Variants in KAZN observed in about 807,000 individuals in gnomAD.
KAZN encodes kazrin.
Under a neutral mutation model 87.4 loss-of-function variants are expected in KAZN, and 40 were observed. That is an observed-to-expected ratio of 0.46 (90% CI 0.36 to 0.60). The LOEUF is 0.60. Among genes scored for constraint, KAZN ranks in the 20% least tolerant of loss-of-function variants. The pLI is 0.00. For synonymous variants in KAZN, 466 were observed against 458.3 expected, an observed-to-expected ratio of 1.02 and a Z score of -0.22; for missense variants, 898 against 1,073.9, an observed-to-expected ratio of 0.84 and a Z score of 2.29.
chr1:14,981,200 TG>T (rs141079715), intron 2 of KAZN, among the ~76,000 whole-genome samples: 2 of 152,334 alleles, frequency 1.3e-5, no homozygotes, highest in African/African-American at 4.8e-5. Flanking sequence ...AGCTGGGAGC[TG>T]GGGCCTAGCT....
chr1:14,377,280 T>TAA (rs1462090295), intron 2 of KAZN, among the ~76,000 whole-genome samples: 1 of 152,190 alleles, frequency 6.6e-6, no homozygotes, highest in Non-Finnish European at 1.5e-5. Flanking sequence ...GACCATTCCT[T>TAA]AAGCTTCTGT....
intron 1 of KAZN, among the ~76,000 whole-genome samples, chr1:14,939,018 G>T (rs6693506): frequency 0.05 from 7,627 of 152,196 alleles, 594 homozygotes; most frequent in African/African-American, 0.17. Flanking sequence ...AGTTGCCCAG[G>T]CTGGAGAGCA....
At chr1:14,053,040 T>A (rs1457634918) in intron 1 of KAZN, among the ~76,000 whole-genome samples, 3 of 152,138 alleles carry the variant, frequency 2.0e-5, no homozygotes, top group Admixed American at 6.5e-5. Context: ...TTCTAACCAG[T>A]AGAACACAGC....
At chr1:14,400,323 T>C (rs977848613) in intron 2 of KAZN, among the ~76,000 whole-genome samples, 4 of 152,138 alleles carry the variant, frequency 2.6e-5, no homozygotes, top group Non-Finnish European at 4.4e-5. Flanking sequence ...TTATGGCACT[T>C]CTCGAATTTT....
chr1:14,746,194 A>T (rs547427848), intron 1 of KAZN, among the ~76,000 whole-genome samples: 9 of 152,186 alleles, frequency 5.9e-5, no homozygotes, highest in Middle Eastern at 3.4e-3. Context: ...CATTAGTGAC[A>T]CTCCAGCTTT....
At chr1:14,619,661 A>C (rs922817513) in intron 1 of KAZN, among the ~76,000 whole-genome samples, 3 of 152,338 alleles carry the variant, frequency 2.0e-5, no homozygotes, top group Middle Eastern at 3.4e-3. Flanking sequence ...CCCCACACGG[A>C]AACCCTGTAC....
At chr1:14,064,497 G>A (rs1253363739) in intron 1 of KAZN, among the ~76,000 whole-genome samples, 1 of 152,210 alleles carries the variant, frequency 6.6e-6, no homozygotes, top group Non-Finnish European at 1.5e-5. Context: ...TGCTGTAGAG[G>A]GGCTCACTAA....
intron 1 of KAZN, among the ~76,000 whole-genome samples, chr1:13,983,442 G>A (rs1166629913): frequency 2.6e-5 from 4 of 152,230 alleles, no homozygotes; most frequent in Non-Finnish European, 4.4e-5. Flanking sequence ...CAACAGGGCC[G>A]GCCGGCTGCT....
At chr1:14,086,337 A>T (rs1285445468) in intron 1 of KAZN, among the ~76,000 whole-genome samples, 1 of 151,898 alleles carries the variant, frequency 6.6e-6, no homozygotes, top group African/African-American at 2.4e-5. Context: ...ATTTTTCCTG[A>T]TGCTCCTCCC....
At chr1:14,314,365 T>C (rs978777761) in intron 2 of KAZN, among the ~76,000 whole-genome samples, 28 of 152,296 alleles carry the variant, frequency 1.8e-4, no homozygotes, top group African/African-American at 6.7e-4. Context: ...TCCTTCCACA[T>C]TACCCAGACT....
At chr1:14,548,790 T>TG (rs397824556) in intron 2 of KAZN, among the ~76,000 whole-genome samples, 1 of 151,784 alleles carries the variant, frequency 6.6e-6, no homozygotes, top group Non-Finnish European at 1.5e-5. Flanking sequence ...CTGTGAACAT[T>TG]CTTTCGTTGT....
intron 2 of KAZN, among the ~76,000 whole-genome samples, chr1:14,245,794 A>G: frequency 6.6e-6 from 1 of 152,120 alleles, no homozygotes; most frequent in Non-Finnish European, 1.5e-5. Context: ...AAAATATGGT[A>G]TTTCTTCCAT....
At chr1:13,973,062 T>C (rs1263301717) in intron 1 of KAZN, among the ~76,000 whole-genome samples, 1 of 152,144 alleles carries the variant, frequency 6.6e-6, no homozygotes, top group African/African-American at 2.4e-5. Flanking sequence ...TTCCTCCTTG[T>C]CTTCCTTCTC....
intron 1 of KAZN, among the ~76,000 whole-genome samples, chr1:14,939,055 C>T (rs941767257): frequency 1.3e-5 from 2 of 152,166 alleles, no homozygotes; most frequent in Non-Finnish European, 2.9e-5. Flanking sequence ...TCACTGCAAC[C>T]ACCACCTCCT....
chr1:14,732,903 C>G (rs1018411), intron 1 of KAZN, among the ~76,000 whole-genome samples: 9,704 of 152,038 alleles, frequency 0.064, 402 homozygotes, highest in East Asian at 0.12. Flanking sequence ...GTGTTCGTTT[C>G]AAACTCCTTT....
Position 14,065,208 on chromosome 1 carries a change from G to A in KAZN, c.92-115227G>A, listed in dbSNP as rs75982996. ...GGGAATCTGTTCCGGCTTGCCTTCC[G>A]CATTGATAACATGATAAAGCTCATT... On this transcript the variant is annotated intron_variant, in intron 1 of 16. Transcript: ENST00000636203. 6.9e-4 allele frequency among the ~76,000 whole-genome samples: 105 copies of A among 152,246 alleles called. 2 individuals are homozygous for A. In the East Asian group the frequency reaches 0.01, roughly 15 times the overall value.
At chr1:14,367,618 G>A (rs1314910880) in intron 2 of KAZN, among the ~76,000 whole-genome samples, 4 of 152,108 alleles carry the variant, frequency 2.6e-5, no homozygotes, top group African/African-American at 4.8e-5. Context: ...TCTGGCCATC[G>A]GACTGCAGAG....
At chr1:14,411,659 A>C (rs1427235214) in intron 2 of KAZN, among the ~76,000 whole-genome samples, 1 of 152,224 alleles carries the variant, frequency 6.6e-6, no homozygotes, top group Admixed American at 6.5e-5. Context: ...TAAAAGTTAC[A>C]TGCACTTCAG....
intron 2 of KAZN, among the ~76,000 whole-genome samples, chr1:14,245,280 A>T (rs551090287): frequency 4.6e-5 from 7 of 152,204 alleles, no homozygotes; most frequent in Non-Finnish European, 1.5e-5. Context: ...ACAGGCAGGC[A>T]TCAGGTTGGT....
Sources: allele counts gnomAD v4.1 joint callset (sites outside exome capture counted in the v4.1 genomes callset), GRCh38; gene constraint gnomAD v4.1.1; transcripts MANE v1.5; gene names NCBI Gene and HGNC (gene_info 2026-07-23, HGNC 2026-07-21).